SLC24A3: variants seen among roughly 807,000 people sequenced by gnomAD.
SLC24A3 encodes the protein sodium/potassium/calcium exchanger 3.
A neutral mutation model predicts 75.8 loss-of-function variants in SLC24A3; 28 were observed. The observed-to-expected ratio is 0.37, with a 90% confidence interval of 0.27 to 0.51. The LOEUF is 0.51. SLC24A3 is among the 20% of genes least tolerant of loss of function. The probability of loss-of-function intolerance (pLI) is 0.94; values close to 1 mark genes in which losing one functional copy is unlikely to be tolerated. For missense variants in SLC24A3, 663 were observed against 847.8 expected (o/e 0.78, Z 2.71); for synonymous variants, 372 against 334.1 (o/e 1.11, Z -1.24).
intron 2 of SLC24A3, among the ~76,000 whole-genome samples, chr20:19,503,570 G>A (rs1019572804): frequency 2.0e-5 from 3 of 152,148 alleles, no homozygotes; most frequent in African/African-American, 2.4e-5. Flanking sequence ...AATATTGAAT[G>A]TATGGTAACA....
At chr20:19,520,349 A>G (rs1056568057) in intron 3 of SLC24A3, among the ~76,000 whole-genome samples, 2 of 152,192 alleles carry the variant, frequency 1.3e-5, no homozygotes, top group Non-Finnish European at 2.9e-5. Context: ...GAGCTGTTGG[A>G]GTTGCTGCCA....
At chr20:19,269,930 A>G (rs1983275389) in intron 1 of SLC24A3, among the ~76,000 whole-genome samples, 1 of 152,214 alleles carries the variant, frequency 6.6e-6, no homozygotes, top group South Asian at 2.1e-4. Context: ...GCATACCTTC[A>G]TCATGACTCT....
intron 15 of SLC24A3, among the ~76,000 whole-genome samples, chr20:19,710,518 A>G (rs2032976507): frequency 1.3e-5 from 2 of 152,268 alleles, no homozygotes; most frequent in African/African-American, 4.8e-5. Context: ...TGAAAACAGC[A>G]TTAAATGTCA....
intron 2 of SLC24A3, among the ~76,000 whole-genome samples, chr20:19,440,651 T>G (rs1038489152): frequency 1.5e-5 from 2 of 134,906 alleles, no homozygotes; most frequent in South Asian, 2.2e-4. Context: ...CACTGTTTTT[T>G]TTTTTTTTTT....
intron 6 of SLC24A3, among the ~76,000 whole-genome samples, chr20:19,639,252 C>T (rs973542087): frequency 2.2e-4 from 33 of 152,130 alleles, no homozygotes; most frequent in Non-Finnish European, 4.6e-4. Flanking sequence ...TCAATTGGTG[C>T]ATTCACAAAC....
At chr20:19,705,380 T>C (rs748196348) in intron 15 of SLC24A3, among the ~76,000 whole-genome samples, 2 of 152,166 alleles carry the variant, frequency 1.3e-5, no homozygotes, top group Admixed American at 6.5e-5. Context: ...CGATTCCTCA[T>C]GCTCAGCCAC....
chr20:19,365,331 G>T (rs754913305), intron 2 of SLC24A3, among the ~76,000 whole-genome samples: 4 of 152,164 alleles, frequency 2.6e-5, no homozygotes, highest in Non-Finnish European at 5.9e-5. Context: ...AACTCTGGAG[G>T]TGGGCCCCAG....
At chr20:19,534,649 G>A (rs961844859) in intron 3 of SLC24A3, among the ~76,000 whole-genome samples, 1 of 152,128 alleles carries the variant, frequency 6.6e-6, no homozygotes, top group African/African-American at 2.4e-5. Context: ...CTGACCTCGT[G>A]ATCCACCTGC....
chr20:19,349,311 C>T (rs1488714782), intron 2 of SLC24A3, among the ~76,000 whole-genome samples: 1 of 152,188 alleles, frequency 6.6e-6, no homozygotes, highest in Non-Finnish European at 1.5e-5. Context: ...GCCACACTAG[C>T]TGAGTGTCCC....
At chr20:19,326,072 T>C (rs1417580883) in intron 2 of SLC24A3, among the ~76,000 whole-genome samples, 3 of 151,932 alleles carry the variant, frequency 2.0e-5, no homozygotes, top group Non-Finnish European at 2.9e-5. Flanking sequence ...GGGTATTGTA[T>C]TTTAGGATTA....
In SLC24A3 at chr20:19,396,079, T is replaced by C. The variant is rs78205787; in HGVS notation, c.271+114992T>C. 2.8e-4 allele frequency among the ~76,000 whole-genome samples: 43 copies of C among 152,312 alleles called. No individual in the cohort carries two copies. The East Asian group carries it at 7.3e-3, about 26-fold the overall frequency. On this transcript the variant is annotated intron_variant, in intron 2 of 16. Coordinates refer to ENST00000328041, the MANE Select transcript of SLC24A3 (RefSeq NM_020689.4). ...ATTGTAGAATTTGTATGATAACCCT[T>C]GAAAAGATGACCATTTATGGCTCTG... is the stretch of plus-strand genomic sequence containing the variant.
At chr20:19,445,028 T>G (rs923506586) in intron 2 of SLC24A3, among the ~76,000 whole-genome samples, 4 of 152,190 alleles carry the variant, frequency 2.6e-5, no homozygotes. Flanking sequence ...ATTTTTATTT[T>G]ATTTGAGAAA....
chr20:19,307,750 C>T (rs933338101), intron 2 of SLC24A3, among the ~76,000 whole-genome samples: 21 of 152,060 alleles, frequency 1.4e-4, no homozygotes, highest in African/African-American at 5.1e-4. Flanking sequence ...GCACGTGTAT[C>T]CCAGAACTTC....
intron 2 of SLC24A3, among the ~76,000 whole-genome samples, chr20:19,319,916 A>T (rs1262119918): frequency 6.6e-6 from 1 of 152,166 alleles, no homozygotes; most frequent in Admixed American, 6.5e-5. Flanking sequence ...TGGGTTTGTC[A>T]AAGGGTGGTG....
chr20:19,247,312 C>T (rs1284626060), intron 1 of SLC24A3, among the ~76,000 whole-genome samples: 1 of 152,118 alleles, frequency 6.6e-6, no homozygotes, highest in Non-Finnish European at 1.5e-5. Flanking sequence ...TCCTACCTAC[C>T]CTCGCGAAAG....
At chr20:19,290,415 G>T (rs901500246) in intron 2 of SLC24A3, among the ~76,000 whole-genome samples, 10 of 152,102 alleles carry the variant, frequency 6.6e-5, no homozygotes, top group Non-Finnish European at 1.3e-4. Context: ...GAGCTTTTAG[G>T]GGAACGATTA....
rs1222299737 is a variant in SLC24A3, at chr20:19,708,689, A to AG, written c.1720-8839_1720-8838insG. Among the ~76,000 whole-genome samples, 11 of 152,208 alleles carry AG rather than the reference A, an allele frequency of 7.2e-5. 1 individual carries two copies. Among genetic ancestry groups the AG allele is most frequent in the Non-Finnish European group, 1.3e-4 (9 of 68,042 alleles). ...AAGACCACTGCTAGGGTCTCCTACA[A>AG]ACTATCCCCACAGGACCTAGATAGG... On this transcript the variant is annotated intron_variant, in intron 15 of 16. Transcript: ENST00000328041.
chr20:19,553,200 C>T (rs145025342), intron 3 of SLC24A3, among the ~76,000 whole-genome samples: 142 of 151,838 alleles, frequency 9.4e-4, no homozygotes, highest in African/African-American at 2.8e-3. Context: ...CGTGTATGTC[C>T]GTGTGCACAC....
rs538339149 is a variant in SLC24A3, at chr20:19,349,504, A to G, written c.271+68417A>G. 5.9e-5 allele frequency among the ~76,000 whole-genome samples: 9 copies of G among 152,312 alleles called. No individual in the cohort carries two copies. The East Asian group carries it at 1.7e-3, about 29-fold the overall frequency. On this transcript the variant is annotated intron_variant, in intron 2 of 16. Transcript: ENST00000328041. ...AAGAGGACCACACCACCTGCCCCTC[A>G]AAGCAGACCAGAAGTTCCAGGAGAA...
Sources: allele counts gnomAD v4.1 joint callset (sites outside exome capture counted in the v4.1 genomes callset), GRCh38; gene constraint gnomAD v4.1.1; transcripts MANE v1.5; gene names NCBI Gene and HGNC (gene_info 2026-07-23, HGNC 2026-07-21).